Variants in DOCK1 observed in about 807,000 individuals in gnomAD.
The protein encoded by DOCK1 is dedicator of cytokinesis protein 1.
DOCK1 carries 138 observed loss-of-function variants against 262.7 expected under a neutral mutation model. The ratio of observed to expected loss-of-function variants is 0.53; its 90% confidence interval spans 0.46 to 0.61. The LOEUF (loss-of-function observed/expected upper bound fraction) is 0.61, where lower values mean the gene tolerates loss of function less well. Among genes scored for constraint, DOCK1 ranks in the 20% least tolerant of loss-of-function variants. The probability of loss-of-function intolerance (pLI) is 0.00; values close to 1 mark genes in which losing one functional copy is unlikely to be tolerated. For synonymous variants in DOCK1, 866 were observed against 867.4 expected, an observed-to-expected ratio of 1.00 and a Z score of 0.03; for missense variants, 1,908 against 2,370.7, an observed-to-expected ratio of 0.80 and a Z score of 4.05.
At chr10:127,238,271 CAAAA>C (rs1252425521) in intron 27 of DOCK1, among the ~76,000 whole-genome samples, 1 of 151,814 alleles carries the variant, frequency 6.6e-6, no homozygotes, top group East Asian at 1.9e-4. Flanking sequence ...ACATTTTTGG[CAAAA>C]AAAGTAACTA....
chr10:127,061,567 A>G (rs2045531064), intron 22 of DOCK1, 101 bp from the exon 23 acceptor site: 2 of 996,570 alleles, frequency 2.0e-6, no homozygotes, highest in Non-Finnish European at 3.0e-6. Flanking sequence ...CTCTCATTCT[A>G]ACTTGTCACC....
At chr10:126,943,736 C>T (rs1365691223) in intron 1 of DOCK1, among the ~76,000 whole-genome samples, 6 of 151,952 alleles carry the variant, frequency 3.9e-5, no homozygotes, top group Non-Finnish European at 5.9e-5. Flanking sequence ...CTGGAAGAAG[C>T]GGCTTTTTAA....
intron 29 of DOCK1, among the ~76,000 whole-genome samples, chr10:127,334,948 C>G (rs1261536973): frequency 6.6e-6 from 1 of 152,118 alleles, no homozygotes; most frequent in Non-Finnish European, 1.5e-5. Context: ...CCGCAGAAAA[C>G]CTACACGGTT....
chr10:127,398,855 G>A (rs574953447), intron 38 of DOCK1, among the ~76,000 whole-genome samples: 8 of 152,204 alleles, frequency 5.3e-5, no homozygotes, highest in Middle Eastern at 3.4e-3. Context: ...TGTGACATCC[G>A]TGTTGTCATC....
intron 6 of DOCK1, among the ~76,000 whole-genome samples, chr10:126,992,751 C>CACACACAG (rs2039887229): frequency 7.0e-6 from 1 of 143,050 alleles, no homozygotes; most frequent in African/African-American, 2.6e-5. Context: ...CACACACACA[C>CACACACAG]ACACACACAC....
At chr10:127,451,124 G>C (rs1032690608) in intron 51 of DOCK1, among the ~76,000 whole-genome samples, 1 of 152,092 alleles carries the variant, frequency 6.6e-6, no homozygotes, top group African/African-American at 2.4e-5. Context: ...AGAGTGCTCA[G>C]AGGCGTCAGA....
intron 48 of DOCK1, among the ~76,000 whole-genome samples, chr10:127,434,145 C>T (rs1267844448): frequency 6.6e-6 from 1 of 151,658 alleles, no homozygotes; most frequent in East Asian, 1.9e-4. Flanking sequence ...GATGGCCGGG[C>T]CTTCTTTTTT....
At chr10:127,061,348 T>A (rs1172901001) in intron 22 of DOCK1, among the ~76,000 whole-genome samples, 1 of 152,238 alleles carries the variant, frequency 6.6e-6, no homozygotes, top group South Asian at 2.1e-4. Flanking sequence ...TCCCTCCTTC[T>A]CTTCCTCGGC....
chr10:127,371,292 G>C (rs1369699863), intron 33 of DOCK1, among the ~76,000 whole-genome samples: 1 of 152,222 alleles, frequency 6.6e-6, no homozygotes, highest in Non-Finnish European at 1.5e-5. Flanking sequence ...CCAGGTGTTT[G>C]TGTAAATTAC....
intron 27 of DOCK1, among the ~76,000 whole-genome samples, chr10:127,180,505 C>G (rs1268596046): frequency 6.6e-6 from 1 of 152,194 alleles, no homozygotes; most frequent in Non-Finnish European, 1.5e-5. Flanking sequence ...CTCGAGAGAG[C>G]TAGATGTCGA....
chr10:126,949,032 G>C (rs1028525902), intron 1 of DOCK1, among the ~76,000 whole-genome samples: 8 of 152,092 alleles, frequency 5.3e-5, no homozygotes, highest in Non-Finnish European at 1.2e-4. Flanking sequence ...CTTTGCTTTG[G>C]TTCCCTGGCC....
intron 29 of DOCK1, among the ~76,000 whole-genome samples, chr10:127,265,110 C>A (rs1453897086): frequency 6.6e-6 from 1 of 152,212 alleles, no homozygotes; most frequent in African/African-American, 2.4e-5. Flanking sequence ...TACCAGTCAG[C>A]ATGTTGGTTA....
chr10:127,333,103 C>T (rs2063053822), intron 29 of DOCK1, among the ~76,000 whole-genome samples: 2 of 152,138 alleles, frequency 1.3e-5, no homozygotes, highest in African/African-American at 4.8e-5. Flanking sequence ...CCTTTTTTCC[C>T]ACCCATTTTG....
intron 47 of DOCK1, among the ~76,000 whole-genome samples, chr10:127,427,554 A>G (rs1345533594): frequency 6.6e-6 from 1 of 152,182 alleles, no homozygotes; most frequent in Non-Finnish European, 1.5e-5. Context: ...AGTCAAGGAA[A>G]CAGGGACATG....
At chr10:127,160,394 G>A (rs2053496092) in intron 27 of DOCK1, among the ~76,000 whole-genome samples, 1 of 152,210 alleles carries the variant, frequency 6.6e-6, no homozygotes, top group African/African-American at 2.4e-5. Flanking sequence ...GTGACTGGAT[G>A]GGGCATTTGT....
chr10:127,381,455 A>T, intron 37 of DOCK1, 87 bp downstream of exon 37: 1 of 1,233,650 alleles, frequency 8.1e-7, no homozygotes, highest in Non-Finnish European at 1.1e-6. Flanking sequence ...GGCAAATTTT[A>T]GTAGGCCTAT....
chr10:127,416,904 G>A (rs2134449537), intron 44 of DOCK1, among the ~76,000 whole-genome samples: 2 of 89,418 alleles, frequency 2.2e-5, no homozygotes, highest in East Asian at 3.4e-4. Flanking sequence ...TCTCAGCAGG[G>A]TGCACGTGGC....
chr10:127,269,554 G>T (rs542291980), intron 29 of DOCK1, among the ~76,000 whole-genome samples: 74 of 152,304 alleles, frequency 4.9e-4, no homozygotes, highest in African/African-American at 1.5e-3. Flanking sequence ...TTTGTGAATT[G>T]CTTTATGTGA....
chr10:127,162,999 G>A (rs775975054), intron 27 of DOCK1, among the ~76,000 whole-genome samples: 35 of 152,164 alleles, frequency 2.3e-4, no homozygotes, highest in Non-Finnish European at 3.8e-4. Flanking sequence ...TAACCCGCAT[G>A]CAAACCTGCA....
Sources: gnomAD v4.1 joint callset for allele counts (sites outside exome capture counted in the v4.1 genomes callset) on GRCh38, gnomAD v4.1.1 for gene constraint, MANE v1.5 for transcripts, NCBI Gene and HGNC (gene_info 2026-07-23, HGNC 2026-07-21) for gene names.